Variants in RUNX1T1 observed in about 807,000 individuals in gnomAD.
RUNX1T1 encodes protein CBFA2T1.
RUNX1T1 carries 4 observed loss-of-function variants against 62.8 expected under a neutral mutation model. The observed-to-expected ratio is 0.06, with a 90% CI of 0.03 to 0.15. The LOEUF (loss-of-function observed/expected upper bound fraction) is 0.15, where lower values mean the gene tolerates loss of function less well. Ranked by LOEUF, RUNX1T1 falls within the 10% of genes least tolerant of loss-of-function variation. The pLI is 1.00. For missense variants in RUNX1T1, 508 were observed against 754.3 expected (o/e 0.67, Z 3.82); for synonymous variants, 291 against 286.0 (o/e 1.02, Z -0.18).
intron 1 of RUNX1T1, among the ~76,000 whole-genome samples, chr8:92,050,303 T>C (rs574903962): frequency 2.6e-5 from 4 of 152,174 alleles, no homozygotes; most frequent in African/African-American, 9.7e-5. Flanking sequence ...AGTGCTACTA[T>C]CATGGTAATA....
exon 10 of RUNX1T1, chr8:91,970,797 G>A (rs1328181699): frequency 6.2e-7 from 1 of 1,612,868 alleles, no homozygotes; most frequent in Non-Finnish European, 8.5e-7. Context: ...CTCAGACACG[G>A]CCTTCTGCAG....
chr8:91,967,573 A>T (rs2130562143), intron 10 of RUNX1T1, among the ~76,000 whole-genome samples: 1 of 152,318 alleles, frequency 6.6e-6, no homozygotes, highest in East Asian at 1.9e-4. Context: ...ATGTGAAAGA[A>T]AACTGAGATA....
At chr8:92,070,829 G>A (rs919727046) in intron 2 of RUNX1T1, among the ~76,000 whole-genome samples, 3 of 152,198 alleles carry the variant, frequency 2.0e-5, no homozygotes, top group Non-Finnish European at 4.4e-5. Context: ...CCTTCAGTCT[G>A]CATGACAGAA....
chr8:92,091,369 G>A (rs1836983697), intron 1 of RUNX1T1, among the ~76,000 whole-genome samples: 1 of 152,180 alleles, frequency 6.6e-6, no homozygotes, highest in South Asian at 2.1e-4. Context: ...ATTAGTAGTT[G>A]TAGGCAACAT....
At chr8:92,088,747 G>A (rs767800664) in intron 1 of RUNX1T1, among the ~76,000 whole-genome samples, 1 of 151,990 alleles carries the variant, frequency 6.6e-6, no homozygotes, top group Non-Finnish European at 1.5e-5. Flanking sequence ...ATCTCATTAC[G>A]TGGCCATGTC....
chr8:92,039,441 T>A (rs1267159355), intron 1 of RUNX1T1, among the ~76,000 whole-genome samples: 1 of 152,134 alleles, frequency 6.6e-6, no homozygotes. Context: ...CAGTTCCTTC[T>A]CCTCTCTTCA....
At chr8:91,960,660 A>G (rs761663743) in intron 10 of RUNX1T1, 143 bp from the exon 12 acceptor site, 3 of 845,206 alleles carry the variant, frequency 3.5e-6, no homozygotes, top group Non-Finnish European at 5.4e-6. Flanking sequence ...TCACGTATGG[A>G]TACAAACACT....
Position 92,097,295 on chromosome 8 carries a change from A to G in RUNX1T1, c.-86+2285T>C, listed in dbSNP as rs1837825075. Among the ~76,000 whole-genome samples the G allele has an allele frequency of 2.6e-5, 4 of 152,222 alleles. No individual in the cohort carries two copies. The South Asian group carries it at 8.3e-4, about 32-fold the overall frequency. Reference sequence around the variant, plus strand: ...TAAAACACTTGGCTGGCTACATTACAAAATCCAGTGAGCTTTAAATGGGTG... The same window carrying G: ...TAAAACACTTGGCTGGCTACATTACGAAATCCAGTGAGCTTTAAATGGGTG... On this transcript the variant is annotated intron_variant, in intron 1 of 11. Coordinates refer to the RUNX1T1 transcript ENST00000265814.
intron 10 of RUNX1T1, among the ~76,000 whole-genome samples, chr8:91,964,657 C>T (rs375818434): frequency 1.3e-5 from 2 of 152,186 alleles, no homozygotes; most frequent in East Asian, 3.9e-4. Context: ...GTTTGATTCA[C>T]CCAGATGTTT....
chr8:91,970,169 T>C (rs73696984), intron 10 of RUNX1T1, among the ~76,000 whole-genome samples: 392 of 152,272 alleles, frequency 2.6e-3, no homozygotes, highest in African/African-American at 8.9e-3. Context: ...AAGTACAGAC[T>C]GTCTCTAAGA....
intron 5 of RUNX1T1, among the ~76,000 whole-genome samples, chr8:91,997,101 T>C (rs1438471648): frequency 2.0e-5 from 3 of 152,116 alleles, no homozygotes; most frequent in Non-Finnish European, 4.4e-5. Flanking sequence ...CACTCCAGCC[T>C]AGGTGACAGA....
chr8:92,007,540 T>A (rs998732266), intron 4 of RUNX1T1, among the ~76,000 whole-genome samples: 1 of 151,814 alleles, frequency 6.6e-6, no homozygotes, highest in Non-Finnish European at 1.5e-5. Context: ...GAGAGATGCA[T>A]TGTTACATGA....
chr8:91,990,092 A>C (rs1013011754), intron 6 of RUNX1T1, among the ~76,000 whole-genome samples: 1 of 152,158 alleles, frequency 6.6e-6, no homozygotes, highest in Admixed American at 6.6e-5. Flanking sequence ...AAGGCCCTAC[A>C]CGTGGAGCCC....
chr8:92,017,343 T>G, exon 2 of RUNX1T1: 3 of 1,614,058 alleles, frequency 1.9e-6, no homozygotes, highest in Non-Finnish European at 2.5e-6. Flanking sequence ...TCTGGCATTG[T>G]GGAGTGCTTC....
chr8:91,991,619 A>AAC lies in RUNX1T1; in HGVS notation c.910+18_910+19dup. 6.2e-7 allele frequency: 1 copy of AAC among 1,606,524 alleles called. No individual in the cohort carries two copies. The highest frequency in any genetic ancestry group is 8.5e-7 in the Non-Finnish European group (1 of 1,174,238). On this transcript the variant is annotated intron_variant, in intron 6 of 10. Transcript: ENST00000396218. ...CAAGCACCCAATCCCGTAAGAAGTG[A>AAC]ACAGGTCCTTCAGTCTTACCCATAG...
chr8:91,957,041 AAGAG>A (rs1055535646), downstream of RUNX1T1: 1 of 217,360 alleles, frequency 4.6e-6, no homozygotes, highest in South Asian at 1.9e-4. Flanking sequence ...GACAGAGAAA[AAGAG>A]AAAGAGAAAA....
At chr8:91,967,375 C>T (rs1811869089) in intron 10 of RUNX1T1, among the ~76,000 whole-genome samples, 1 of 151,876 alleles carries the variant, frequency 6.6e-6, no homozygotes, top group Non-Finnish European at 1.5e-5. Flanking sequence ...TTTACACGCC[C>T]CCCTCCCCCG....
upstream of RUNX1T1, among the ~76,000 whole-genome samples, chr8:92,065,063 T>C (rs915556260): frequency 5.3e-5 from 8 of 152,146 alleles, no homozygotes; most frequent in African/African-American, 1.9e-4. Flanking sequence ...TCTTATTCTT[T>C]AATCCATGGA....
intron 1 of RUNX1T1, among the ~76,000 whole-genome samples, chr8:92,045,029 G>C (rs1459424050): frequency 6.9e-6 from 1 of 145,286 alleles, no homozygotes; most frequent in Admixed American, 7.0e-5. Context: ...CCAAGAGTTC[G>C]AGACCAGCCT....
Sources: gnomAD v4.1 joint callset for allele counts (sites outside exome capture counted in the v4.1 genomes callset) on GRCh38, gnomAD v4.1.1 for gene constraint, MANE v1.5 for transcripts, NCBI Gene and HGNC (gene_info 2026-07-23, HGNC 2026-07-21) for gene names.